The following HOMER2 variants were observed in gnomAD, a reference collection of about 807,000 sequenced individuals.
HOMER2 encodes the protein homer protein homolog 2.
In HOMER2, 27 loss-of-function variants were observed where a neutral mutation model predicts 47.0. That is an observed-to-expected ratio of 0.57 (90% CI 0.42 to 0.79). HOMER2 has a LOEUF of 0.79. Ranked by LOEUF, HOMER2 falls within the 30% of genes least tolerant of loss-of-function variation. HOMER2 has a pLI of 0.00. For missense variants in HOMER2, 443 were observed against 435.0 expected (o/e 1.02, Z -0.16); for synonymous variants, 161 against 163.8 (o/e 0.98, Z 0.13).
At chr15:82,981,527 T>A (rs549348554) in intron 1 of HOMER2, among the ~76,000 whole-genome samples, 5 of 152,210 alleles carry the variant, frequency 3.3e-5, no homozygotes, top group African/African-American at 4.8e-5. Context: ...CCCAAAAGAA[T>A]AGAAAGCAGG....
intron 2 of HOMER2, among the ~76,000 whole-genome samples, chr15:82,888,896 A>G (rs2052624394): frequency 6.6e-6 from 1 of 150,418 alleles, no homozygotes. Context: ...AGCTGTTCCT[A>G]TTCGGCCATC....
At chr15:82,934,709 T>C (rs532908304) in intron 1 of HOMER2, among the ~76,000 whole-genome samples, 1 of 152,252 alleles carries the variant, frequency 6.6e-6, no homozygotes, top group East Asian at 1.9e-4. Context: ...ACCTGCTTCC[T>C]CCACACCCAC....
At chr15:82,921,287 C>CA (rs957178523) in intron 1 of HOMER2, among the ~76,000 whole-genome samples, 54 of 151,834 alleles carry the variant, frequency 3.6e-4, no homozygotes, top group African/African-American at 1.1e-3. Context: ...GACTCCATCT[C>CA]AAAAAAAACA....
At chr15:82,864,738 A>G (rs2051909971) in intron 3 of HOMER2, among the ~76,000 whole-genome samples, 1 of 152,270 alleles carries the variant, frequency 6.6e-6, no homozygotes, top group Admixed American at 6.5e-5. Context: ...GGTAATGTGT[A>G]TATGGGTGTT....
Position 82,849,742 on chromosome 15 carries a change from C to G in HOMER2, c.1005G>C (p.Gly335=). ...KIDDLHDFRR[G]LSKLGTDN ...AGTTATCGGTGCCCAGCTTGGAGAG[C>G]CCTCGGCGGAAGTCATGCAGGTCGT... The change falls in exon 9 of 9, where the codon GGG becomes GGC. Residue 335 remains glycine, a synonymous_variant. Transcript: ENST00000450735. The G allele has an allele frequency of 6.2e-7, 1 of 1,613,722 alleles. No homozygotes were observed. The highest frequency in any genetic ancestry group is 8.5e-7 in the Non-Finnish European group (1 of 1,179,798).
Position 82,892,737 on chromosome 15 carries a change from A to G in HOMER2, c.110T>C (p.Phe37Ser). The G allele has an allele frequency of 6.2e-7, 1 of 1,604,822 alleles. No homozygotes were observed. The highest frequency in any genetic ancestry group is 8.5e-7 in the Non-Finnish European group (1 of 1,173,582). The change falls in exon 2 of 9, where the codon TTC (phenylalanine) becomes TCC (serine). Residue 37 changes from phenylalanine to serine, a missense_variant. Transcript: ENST00000450735. ...ATAGCTGTTCCTTGTGACATCATAGAAGTAGGAAACGGTGACCGCCTGCTT... is the reference window on the plus strand; with the variant it reads ...ATAGCTGTTCCTTGTGACATCATAGGAGTAGGAAACGGTGACCGCCTGCTT... ...ASKQAVTVSY[F>S]YDVTRNSYRI...
chr15:82,861,961 T>C (rs2051806144), intron 4 of HOMER2, among the ~76,000 whole-genome samples: 1 of 152,142 alleles, frequency 6.6e-6, no homozygotes, highest in African/African-American at 2.4e-5. Context: ...GAGCAGAGGT[T>C]GCAGTGAGCA....
At chr15:82,931,374 T>C (rs1415149252) in intron 1 of HOMER2, among the ~76,000 whole-genome samples, 1 of 152,150 alleles carries the variant, frequency 6.6e-6, no homozygotes. Flanking sequence ...TGTTTCCTTC[T>C]CAAGGCAAAG....
At chr15:82,858,977 G>A in intron 5 of HOMER2, 52 bp downstream of exon 5, 4 of 1,578,750 alleles carry the variant, frequency 2.5e-6, no homozygotes, top group Non-Finnish European at 3.5e-6. Flanking sequence ...AAGGCTTCTA[G>A]GGAAGTGCTG....
chr15:82,856,641 TAAAG>T (rs2051597009), intron 5 of HOMER2, among the ~76,000 whole-genome samples: 1 of 152,072 alleles, frequency 6.6e-6, no homozygotes, highest in Non-Finnish European at 1.5e-5. Flanking sequence ...AATAAATAAA[TAAAG>T]CTCTCACAAT....
At chr15:82,863,765 T>C (rs1269604824) in intron 4 of HOMER2, among the ~76,000 whole-genome samples, 4 of 152,226 alleles carry the variant, frequency 2.6e-5, no homozygotes, top group African/African-American at 9.7e-5. Context: ...CACTTCCACC[T>C]GACCTCTGTT....
chr15:82,927,501 C>T (rs2053882902), intron 1 of HOMER2, among the ~76,000 whole-genome samples: 1 of 152,230 alleles, frequency 6.6e-6, no homozygotes, highest in African/African-American at 2.4e-5. Context: ...ATTGGGAAAC[C>T]AGTCCTGGAA....
intron 1 of HOMER2, among the ~76,000 whole-genome samples, chr15:82,928,006 A>G (rs912866483): frequency 1.3e-5 from 2 of 149,886 alleles, no homozygotes; most frequent in Non-Finnish European, 3.0e-5. Context: ...GTGCACCGCT[A>G]GGCTACTTCT....
intron 3 of HOMER2, among the ~76,000 whole-genome samples, chr15:82,868,908 A>G (rs1335629847): frequency 6.6e-6 from 1 of 151,608 alleles, no homozygotes; most frequent in East Asian, 1.9e-4. Flanking sequence ...GCAGGACTCA[A>G]CTCTGGACTA....
chr15:82,934,516 A>G (rs1292373373), intron 1 of HOMER2, among the ~76,000 whole-genome samples: 1 of 151,534 alleles, frequency 6.6e-6, no homozygotes, highest in Non-Finnish European at 1.5e-5. Context: ...TTCCCCGCAC[A>G]TGCATTTCCC....
chr15:82,937,714 C>A (rs2151210517), intron 1 of HOMER2, among the ~76,000 whole-genome samples: 1 of 152,202 alleles, frequency 6.6e-6, no homozygotes, highest in South Asian at 2.1e-4. Context: ...AAGAGGTGAC[C>A]AATGGAGACA....
At chr15:82,975,545 T>C (rs1279372043) in intron 1 of HOMER2, among the ~76,000 whole-genome samples, 2 of 152,074 alleles carry the variant, frequency 1.3e-5, no homozygotes, top group African/African-American at 4.8e-5. Flanking sequence ...AAGAATGAGG[T>C]CCTGTCATTT....
intron 1 of HOMER2, among the ~76,000 whole-genome samples, chr15:82,976,905 A>T (rs1031955556): frequency 5.9e-5 from 9 of 151,568 alleles, no homozygotes; most frequent in African/African-American, 2.2e-4. Context: ...CAAGCTCCTG[A>T]CCTCAGGTGA....
chr15:82,921,343 C>A (rs1417739982), intron 1 of HOMER2, among the ~76,000 whole-genome samples: 24 of 152,172 alleles, frequency 1.6e-4, no homozygotes, highest in Admixed American at 1.4e-3. Flanking sequence ...CCACTCTTCT[C>A]CTGTCATCTT....
Sources: allele counts gnomAD v4.1 joint callset (sites outside exome capture counted in the v4.1 genomes callset), GRCh38; gene constraint gnomAD v4.1.1; transcripts MANE v1.5; gene names NCBI Gene and HGNC (gene_info 2026-07-23, HGNC 2026-07-21).